The following CMC2 variants were observed in gnomAD, a reference collection of about 807,000 sequenced individuals.
The protein encoded by CMC2 is COX assembly mitochondrial protein 2 homolog.
In CMC2, 5 loss-of-function variants were observed where a neutral mutation model predicts 7.5. The ratio of observed to expected loss-of-function variants is 0.66; its 90% CI spans 0.35 to 1.40. CMC2 has a LOEUF of 1.40. Among genes scored for constraint, CMC2 ranks in the 40% most tolerant of loss-of-function variants. The pLI, the probability that CMC2 is intolerant of heterozygous loss-of-function variation, is 0.04. For missense variants in CMC2, 115 were observed against 92.3 expected (o/e 1.25, Z -1.01); for synonymous variants, 37 against 31.4 (o/e 1.18, Z -0.60).
At position 80,972,270 on chromosome 16, in the gene CMC2, A is replaced by G. The variant is rs1362546551; in HGVS notation, c.*3823T>C. The stretch of plus-strand genomic sequence containing the variant: ...TGGTATAGCTGGTTCCCTGAATATG[A>G]TATCATTTAAGGGGCACAAATTTCA... On this transcript the variant is annotated 3_prime_UTR_variant, in exon 4 of 4. Transcript: ENST00000219400. 6.6e-6 allele frequency: 1 copy of G among 152,190 alleles called. No homozygotes were observed. The highest frequency in any genetic ancestry group is 2.4e-5 in the African/African-American group (1 of 41,440). The allele number at this position is 152,190 out of a possible 1,614,324, so 9.4% of individuals were successfully genotyped here. A position where few individuals can be genotyped will look rare whatever the true frequency, so the allele number is the denominator to read the frequency against.
intron 2 of CMC2, among the ~76,000 whole-genome samples, chr16:80,991,078 C>T (rs1967955492): frequency 6.6e-6 from 1 of 150,528 alleles, no homozygotes; most frequent in South Asian, 2.1e-4. Flanking sequence ...TCTCAGTGGC[C>T]AAAGCTGGAA....
chr16:80,966,978 A>G lies in CMC2; in HGVS notation c.*9115T>C, dbSNP rs2151599323. On this transcript the variant is annotated 3_prime_UTR_variant, in exon 4 of 4. Transcript: ENST00000219400. ...CAACAATGTACCTATCAAGTGATCT[A>G]CAGAAAAAGAAAATGTAAATTTTAA... 1 of 152,326 alleles carries G rather than the reference A, an allele frequency of 6.6e-6. No homozygotes were observed. Among genetic ancestry groups the G allele is most frequent in the South Asian group, 2.1e-4 (1 of 4,830 alleles). 9.4% of individuals were successfully genotyped at this position (152,326 alleles called of 1,614,324 possible).
intron 1 of CMC2, among the ~76,000 whole-genome samples, chr16:81,000,245 C>A (rs61343635): frequency 0.035 from 5,300 of 151,956 alleles, 306 homozygotes; most frequent in African/African-American, 0.12. Flanking sequence ...CACCTGTAAT[C>A]CCAGCGCTTT....
At chr16:81,002,873 T>C (rs1398913069) in intron 1 of CMC2, among the ~76,000 whole-genome samples, 12 of 152,208 alleles carry the variant, frequency 7.9e-5, no homozygotes, top group Non-Finnish European at 5.9e-5. Flanking sequence ...AAGAATAAAA[T>C]GGTTTAATTT....
chr16:81,002,176 G>C (rs1166118092), intron 1 of CMC2, among the ~76,000 whole-genome samples: 3 of 152,156 alleles, frequency 2.0e-5, no homozygotes, highest in Non-Finnish European at 4.4e-5. Context: ...TGTAATCCCA[G>C]CACTTTGGGA....
At chr16:80,993,011 A>G (rs977991562) in intron 2 of CMC2, among the ~76,000 whole-genome samples, 2 of 152,168 alleles carry the variant, frequency 1.3e-5, no homozygotes, top group Non-Finnish European at 2.9e-5. Flanking sequence ...CCTAGGTTAT[A>G]TAAGAATTTA....
Position 80,971,268 on chromosome 16 carries a change from C to T in CMC2, c.*4825G>A, listed in dbSNP as rs1911891544. 6.6e-6 allele frequency: 1 copy of T among 152,108 alleles called. No homozygotes were observed. 9.4% of individuals were successfully genotyped at this position (152,108 alleles called of 1,614,324 possible). A position where few individuals can be genotyped will look rare whatever the true frequency, so the allele number is the denominator to read the frequency against. On this transcript the variant is annotated 3_prime_UTR_variant, in exon 4 of 4. Coordinates refer to ENST00000219400, the MANE Select transcript of CMC2 (RefSeq NM_020188.5). ...AATCCTAGGTTTATACCTAAAAACA[C>T]TCTCCCAGATTGGACAAGAAGGTAA...
chr16:80,997,293 G>A (rs1260061498), intron 2 of CMC2, 21 bp downstream of exon 2: 1 of 1,275,066 alleles, frequency 7.8e-7, no homozygotes, highest in Admixed American at 1.7e-5. Context: ...TGGCTGTACA[G>A]TCGTTTTTCT....
intron 2 of CMC2, among the ~76,000 whole-genome samples, chr16:80,996,188 G>A (rs943398226): frequency 6.6e-6 from 1 of 152,082 alleles, no homozygotes; most frequent in African/African-American, 2.4e-5. Context: ...TTTATGTCTA[G>A]TATTACAAAA....
At position 80,978,856 on chromosome 16, in the gene CMC2, C is replaced by T. The variant is rs980354763; in HGVS notation, c.154-2677G>A. On this transcript the variant is annotated intron_variant, in intron 3 of 3. Transcript: ENST00000219400. ...CAGCACTTTAGGAGGCCAAGGCGGG[C>T]GGATAACAAGCTCAGAAGATCAAGA... Among the ~76,000 whole-genome samples the T allele has an allele frequency of 3.3e-5, 5 of 152,174 alleles. No homozygotes were observed. In the East Asian group the frequency reaches 9.6e-4, roughly 29 times the overall value.
At chr16:80,996,875 C>A in intron 2 of CMC2, 1 of 291,184 alleles carries the variant, frequency 3.4e-6, no homozygotes, top group Non-Finnish European at 6.9e-6. Flanking sequence ...CAGATTAAGC[C>A]AATCATAAAT....
intron 2 of CMC2, among the ~76,000 whole-genome samples, chr16:80,987,634 A>T (rs1214773648): frequency 6.6e-6 from 1 of 152,196 alleles, no homozygotes; most frequent in Admixed American, 6.5e-5. Context: ...CTGTGGAAAT[A>T]ACACTTGCCT....
Position 80,976,195 on chromosome 16 carries a change from A to AGG in CMC2, c.154-18_154-17dup. 1 of 1,415,348 alleles carries AGG rather than the reference A, an allele frequency of 7.1e-7. No individual in the cohort carries two copies. Among genetic ancestry groups the AGG allele is most frequent in the Non-Finnish European group, 9.8e-7 (1 of 1,016,558 alleles). The allele number at this position is 1,415,348 out of a possible 1,614,324, so 87.7% of individuals were successfully genotyped here. A position where few individuals can be genotyped will look rare whatever the true frequency, so the allele number is the denominator to read the frequency against. ...TTTCTACGTACTGAAAAATAAAAGA[A>AGG]GGGGGGGAGAAAAGAAACAGCAGAT... On this transcript the variant is annotated splice_polypyrimidine_tract_variant and intron_variant, in intron 3 of 3. Coordinates refer to ENST00000219400, the MANE Select transcript of CMC2 (RefSeq NM_020188.5).
chr16:80,981,576 A>G (rs1236085829), intron 3 of CMC2, among the ~76,000 whole-genome samples: 1 of 152,228 alleles, frequency 6.6e-6, no homozygotes, highest in Admixed American at 6.5e-5. Context: ...AGTAATCATC[A>G]TAAGGAAGTT....
chr16:81,006,780 G>A lies in CMC2; in HGVS notation c.-82C>T. The stretch of plus-strand genomic sequence containing the variant: ...AGAACTGAAGCGGCAGTAGCCGGCG[G>A]AGACGCCCGACCCGAAGGCCGGCTG... On this transcript the variant is annotated 5_prime_UTR_variant, in exon 1 of 4. Transcript: ENST00000219400. 2.0e-6 allele frequency: 2 copies of A among 985,698 alleles called. No individual in the cohort carries two copies. The highest frequency in any genetic ancestry group is 2.4e-6 in the Non-Finnish European group (2 of 830,152). The allele number at this position is 985,698 out of a possible 1,614,324, so 61.1% of individuals were successfully genotyped here.
In CMC2 at chr16:80,972,437, G is replaced by C. The variant is rs1461110142; in HGVS notation, c.*3656C>G. ...ACCAGGCAGATCAATGGCATAATTT[G>C]GTTCAGCCCAAGCCCTTTCTATAGA... On this transcript the variant is annotated 3_prime_UTR_variant, in exon 4 of 4. Coordinates refer to ENST00000219400, the MANE Select transcript of CMC2 (RefSeq NM_020188.5). The C allele has an allele frequency of 6.6e-6, 1 of 151,980 alleles. No individual in the cohort carries two copies. 9.4% of individuals were successfully genotyped at this position (151,980 alleles called of 1,614,324 possible).
Position 80,970,896 on chromosome 16 carries a change from C to T in CMC2, c.*5197G>A, listed in dbSNP as rs536297681. ...AAATACCCCTTAGACACAAATCTAGCAAAAGATGTATAAGAACACTATTTT... is the reference window on the plus strand; with the variant it reads ...AAATACCCCTTAGACACAAATCTAGTAAAAGATGTATAAGAACACTATTTT... On this transcript the variant is annotated 3_prime_UTR_variant, in exon 4 of 4. Transcript: ENST00000219400. 1 of 152,194 alleles carries T rather than the reference C, an allele frequency of 6.6e-6. No homozygotes were observed. The highest frequency in any genetic ancestry group is 2.4e-5 in the African/African-American group (1 of 41,544). The allele number at this position is 152,194 out of a possible 1,614,324, so 9.4% of individuals were successfully genotyped here. A position where few individuals can be genotyped will look rare whatever the true frequency, so the allele number is the denominator to read the frequency against.
At chr16:80,995,421 C>G (rs746846051) in intron 2 of CMC2, among the ~76,000 whole-genome samples, 2 of 152,012 alleles carry the variant, frequency 1.3e-5, no homozygotes, top group African/African-American at 4.8e-5. Flanking sequence ...TTTGGGAGGC[C>G]GAGGCGGGAG....
At chr16:81,004,813 A>C (rs1191764567) in intron 1 of CMC2, among the ~76,000 whole-genome samples, 2 of 152,246 alleles carry the variant, frequency 1.3e-5, no homozygotes, top group Non-Finnish European at 2.9e-5. Flanking sequence ...GACAGATTTC[A>C]ACCACCAGGT....
Sources: allele counts gnomAD v4.1 joint callset (sites outside exome capture counted in the v4.1 genomes callset), GRCh38; gene constraint gnomAD v4.1.1; transcripts MANE v1.5; gene names NCBI Gene and HGNC (gene_info 2026-07-23, HGNC 2026-07-21).